The following CBLB variants were observed in gnomAD, a reference collection of about 807,000 sequenced individuals.
CBLB encodes Cbl proto-oncogene B, also known as E3 ubiquitin-protein ligase CBL-B.
Under a neutral mutation model 104.9 loss-of-function variants are expected in CBLB, and 31 were observed. The ratio of observed to expected loss-of-function variants is 0.30; its 90% CI spans 0.22 to 0.40. The LOEUF is 0.40. Ranked by LOEUF, CBLB falls within the 10% of genes least tolerant of loss-of-function variation. The pLI is 1.00. For missense variants in CBLB, 1,062 were observed against 1,214.6 expected (o/e 0.87, Z 1.87); for synonymous variants, 440 against 422.6 (o/e 1.04, Z -0.51).
intron 3 of CBLB, among the ~76,000 whole-genome samples, chr3:105,841,838 A>T (rs759291671): frequency 1.3e-5 from 2 of 152,104 alleles, no homozygotes; most frequent in Non-Finnish European, 2.9e-5. Flanking sequence ...TGAGAACATG[A>T]GATACATTAT....
intron 1 of CBLB, 37 bp downstream of exon 1, chr3:105,868,699 A>T: frequency 1.0e-6 from 1 of 997,708 alleles, no homozygotes; most frequent in Non-Finnish European, 1.2e-6. Context: ...GCCGGCAAGA[A>T]GTGTGGAGCC....
rs745784281 is a variant in CBLB, at chr3:105,850,299, C to T, written c.419+3115G>A. Among the ~76,000 whole-genome samples, 11 of 152,012 alleles carry T rather than the reference C, an allele frequency of 7.2e-5. No individual in the cohort carries two copies. In the East Asian group the frequency reaches 2.1e-3, roughly 29 times the overall value. The stretch of plus-strand genomic sequence containing the variant: ...GGTTTTACTTGTTATGGGTATTTGG[C>T]CAGTATTCATAGAAAATTTAGAGTT... On this transcript the variant is annotated intron_variant, in intron 3 of 18. Coordinates refer to ENST00000394030, the MANE Select transcript of CBLB (RefSeq NM_170662.5).
At chr3:105,687,038 A>G (rs1241060562) in intron 13 of CBLB, among the ~76,000 whole-genome samples, 2 of 152,112 alleles carry the variant, frequency 1.3e-5, no homozygotes, top group Admixed American at 1.3e-4. Flanking sequence ...TTACTTTTCC[A>G]TAAATTCCTG....
intron 4 of CBLB, among the ~76,000 whole-genome samples, chr3:105,758,715 G>C (rs901645794): frequency 2.6e-5 from 4 of 152,238 alleles, no homozygotes; most frequent in African/African-American, 9.6e-5. Context: ...CCAGGCACCA[G>C]CACAGGCACC....
intron 3 of CBLB, among the ~76,000 whole-genome samples, chr3:105,781,723 C>A (rs2080279816): frequency 6.6e-6 from 1 of 152,022 alleles, no homozygotes; most frequent in African/African-American, 2.4e-5. Context: ...GCTTTAAATG[C>A]TGAATTAGTA....
intron 3 of CBLB, among the ~76,000 whole-genome samples, chr3:105,831,765 A>C (rs952210799): frequency 6.6e-6 from 1 of 152,236 alleles, no homozygotes; most frequent in Non-Finnish European, 1.5e-5. Context: ...ATGTAGAATC[A>C]AAAGAAAAAC....
chr3:105,730,563 C>T (rs1017015912), intron 9 of CBLB, among the ~76,000 whole-genome samples: 1 of 151,898 alleles, frequency 6.6e-6, no homozygotes, highest in Non-Finnish European at 1.5e-5. Context: ...TAAAGTAATC[C>T]ACATTCTAGA....
chr3:105,685,268 A>C, intron 14 of CBLB, 52 bp downstream of exon 14: 1 of 1,476,550 alleles, frequency 6.8e-7, no homozygotes, highest in Non-Finnish European at 9.5e-7. Flanking sequence ...AAACATTACA[A>C]ATGATAATGC....
intron 3 of CBLB, among the ~76,000 whole-genome samples, chr3:105,821,192 C>T (rs2085791765): frequency 6.6e-6 from 1 of 152,054 alleles, no homozygotes; most frequent in Admixed American, 6.6e-5. Context: ...CCAAACACAA[C>T]ATAATTTACA....
At chr3:105,689,453 T>C (rs1399160735) in intron 13 of CBLB, among the ~76,000 whole-genome samples, 1 of 149,748 alleles carries the variant, frequency 6.7e-6, no homozygotes, top group African/African-American at 2.4e-5. Flanking sequence ...GTTTAATATA[T>C]CAAAAGTACA....
rs534312740 is a variant in CBLB, at chr3:105,862,918, C to T, written c.168+4492G>A. ...AGCAAGCAACGGTTCACCTCTACCA[C>T]GTACTACATCTCAGCACTTTATTTA... On this transcript the variant is annotated intron_variant, in intron 2 of 18. Coordinates refer to ENST00000394030, the MANE Select transcript of CBLB (RefSeq NM_170662.5). 6.1e-4 allele frequency among the ~76,000 whole-genome samples: 93 copies of T among 152,262 alleles called. 1 individual carries two copies. The highest frequency in any genetic ancestry group is 1.1e-3 in the Non-Finnish European group (77 of 68,024).
At chr3:105,780,458 CCAGA>C (rs201119899) in intron 3 of CBLB, among the ~76,000 whole-genome samples, 1,740 of 151,922 alleles carry the variant, frequency 0.011, 28 homozygotes, top group African/African-American at 0.04. Flanking sequence ...AAAAATCTGC[CCAGA>C]AAGAAAAGAC....
intron 6 of CBLB, among the ~76,000 whole-genome samples, chr3:105,744,899 C>T (rs2075959695): frequency 6.6e-6 from 1 of 152,218 alleles, no homozygotes; most frequent in East Asian, 1.9e-4. Flanking sequence ...CATTGCACTC[C>T]AGCCTGGTGA....
intron 3 of CBLB, among the ~76,000 whole-genome samples, chr3:105,848,744 C>G (rs2090588880): frequency 6.6e-6 from 1 of 152,096 alleles, no homozygotes; most frequent in Non-Finnish European, 1.5e-5. Flanking sequence ...ACTGTTTCTA[C>G]TATTACTGTC....
At chr3:105,846,001 T>A (rs892120192) in intron 3 of CBLB, among the ~76,000 whole-genome samples, 3 of 152,126 alleles carry the variant, frequency 2.0e-5, no homozygotes, top group African/African-American at 7.2e-5. Context: ...CTATTTGTCT[T>A]CTGAATCCAA....
intron 4 of CBLB, among the ~76,000 whole-genome samples, chr3:105,761,897 G>C (rs2077677762): frequency 6.6e-6 from 1 of 152,184 alleles, no homozygotes; most frequent in South Asian, 2.1e-4. Flanking sequence ...CGAAAATGCT[G>C]ATAGTGATAT....
intron 10 of CBLB, among the ~76,000 whole-genome samples, chr3:105,711,170 C>A (rs1415944514): frequency 6.6e-6 from 1 of 151,980 alleles, no homozygotes; most frequent in African/African-American, 2.4e-5. Flanking sequence ...AGAGTTCTGA[C>A]AGTCCCAGAG....
chr3:105,844,514 T>C (rs757857950), intron 3 of CBLB, among the ~76,000 whole-genome samples: 1 of 152,220 alleles, frequency 6.6e-6, no homozygotes, highest in Non-Finnish European at 1.5e-5. Flanking sequence ...TTTTAATCTA[T>C]AAAGGGCACT....
At chr3:105,734,699 T>C (rs534253841) in intron 8 of CBLB, among the ~76,000 whole-genome samples, 6 of 152,332 alleles carry the variant, frequency 3.9e-5, no homozygotes, top group South Asian at 2.1e-4. Context: ...AGAAGATATA[T>C]TGAACTTAAC....
Sources: gnomAD v4.1 joint callset for allele counts (sites outside exome capture counted in the v4.1 genomes callset) on GRCh38, gnomAD v4.1.1 for gene constraint, MANE v1.5 for transcripts, NCBI Gene and HGNC (gene_info 2026-07-23, HGNC 2026-07-21) for gene names.